GNAL: variants seen among roughly 807,000 people sequenced by gnomAD.
GNAL encodes the protein G protein subunit alpha L, also known as guanine nucleotide-binding protein G(olf) subunit alpha.
Under a neutral mutation model 55.1 loss-of-function variants are expected in GNAL, and 18 were observed. The ratio of observed to expected loss-of-function variants is 0.33; its 90% CI spans 0.23 to 0.48. The LOEUF is 0.48. GNAL is among the 20% of genes least tolerant of loss of function. The probability of loss-of-function intolerance (pLI) is 0.99; values close to 1 mark genes in which losing one functional copy is unlikely to be tolerated. For missense variants in GNAL, 412 were observed against 614.1 expected (o/e 0.67, Z 3.48); for synonymous variants, 253 against 237.0 (o/e 1.07, Z -0.62).
At chr18:11,846,732 G>T (rs1177039357) in intron 5 of GNAL, among the ~76,000 whole-genome samples, 1 of 151,736 alleles carries the variant, frequency 6.6e-6, no homozygotes, top group East Asian at 1.9e-4. Context: ...TTGTTTTGTT[G>T]TTGTTGTTTT....
chr18:11,693,194 AG>A (rs1284096532), intron 1 of GNAL, among the ~76,000 whole-genome samples: 1 of 152,210 alleles, frequency 6.6e-6, no homozygotes, highest in Non-Finnish European at 1.5e-5. Context: ...ATATAATAAA[AG>A]TTATTAGACT....
intron 7 of GNAL, among the ~76,000 whole-genome samples, chr18:11,866,783 G>A (rs73945264): frequency 0.012 from 1,763 of 150,302 alleles, 231 homozygotes; most frequent in African/African-American, 0.043. Context: ...TCACAGGAAG[G>A]ATCTGCCCTG....
chr18:11,740,739 C>T (rs947854772), intron 1 of GNAL, among the ~76,000 whole-genome samples: 3 of 152,176 alleles, frequency 2.0e-5, no homozygotes, highest in East Asian at 1.9e-4. Context: ...GTTTCGGATT[C>T]GTGTGCAATG....
intron 5 of GNAL, chr18:11,857,265 A>G (rs2036029440): frequency 6.5e-6 from 1 of 152,984 alleles, no homozygotes; most frequent in South Asian, 2.1e-4. Context: ...GTGAAACAGT[A>G]AGTGCCGGAG....
In GNAL at chr18:11,846,219, G is replaced by A. The variant is rs533416201; in HGVS notation, c.723-16176G>A. Among the ~76,000 whole-genome samples the A allele has an allele frequency of 3.3e-5, 5 of 151,934 alleles. 1 individual carries two copies. The highest frequency in any genetic ancestry group is 2.1e-4 in the South Asian group (1 of 4,830). On this transcript the variant is annotated intron_variant, in intron 5 of 11. Transcript: ENST00000334049. ...GGAGAATCACTGTGTTGCTAAATGA[G>A]TGAATGCCAACTTCGACTAACATGG...
At chr18:11,876,734 CT>C (rs1567906527) in intron 11 of GNAL, 46 bp downstream of exon 11, 1 of 1,022,752 alleles carries the variant, frequency 9.8e-7, no homozygotes, top group Non-Finnish European at 1.6e-6. Context: ...CCTTCTTAAT[CT>C]TTTGTTTCTT....
At chr18:11,778,536 T>G (rs750764206) in intron 4 of GNAL, among the ~76,000 whole-genome samples, 3 of 152,136 alleles carry the variant, frequency 2.0e-5, no homozygotes, top group Non-Finnish European at 4.4e-5. Context: ...CAGGTATTAG[T>G]GACGAAACCT....
chr18:11,867,301 G>C, intron 8 of GNAL, 75 bp downstream of exon 8: 2 of 873,510 alleles, frequency 2.3e-6, no homozygotes, highest in Non-Finnish European at 3.9e-6. Context: ...AACTATTCTT[G>C]AATTAGATAA....
chr18:11,815,199 C>T (rs1483208331), intron 4 of GNAL, among the ~76,000 whole-genome samples: 1 of 152,060 alleles, frequency 6.6e-6, no homozygotes, highest in Non-Finnish European at 1.5e-5. Context: ...GATCATTATA[C>T]TATGTATATA....
intron 4 of GNAL, among the ~76,000 whole-genome samples, chr18:11,805,772 C>T (rs534293831): frequency 1.3e-5 from 2 of 152,220 alleles, no homozygotes; most frequent in African/African-American, 4.8e-5. Context: ...TGGTTGATTC[C>T]ATATCTTTGC....
At chr18:11,786,780 TA>T (rs2034075268) in intron 4 of GNAL, among the ~76,000 whole-genome samples, 1 of 151,988 alleles carries the variant, frequency 6.6e-6, no homozygotes, top group African/African-American at 2.4e-5. Context: ...TGAATCTTTT[TA>T]TATTTTATAA....
intron 4 of GNAL, among the ~76,000 whole-genome samples, chr18:11,773,255 A>T (rs1277317250): frequency 2.0e-5 from 3 of 152,250 alleles, no homozygotes; most frequent in African/African-American, 7.2e-5. Context: ...AGCACATAAC[A>T]TGCTCACTTA....
intron 5 of GNAL, among the ~76,000 whole-genome samples, chr18:11,859,406 T>C (rs187742983): frequency 6.6e-6 from 1 of 152,312 alleles, no homozygotes; most frequent in Non-Finnish European, 1.5e-5. Context: ...ACTCAGTGTG[T>C]CCTTCCACCA....
intron 4 of GNAL, among the ~76,000 whole-genome samples, chr18:11,774,292 C>T (rs577875828): frequency 1.3e-5 from 2 of 152,326 alleles, no homozygotes; most frequent in East Asian, 3.9e-4. Context: ...CTTTCTCTGC[C>T]TTCTGTCAGT....
chr18:11,839,082 A>C (rs191225584), intron 5 of GNAL, among the ~76,000 whole-genome samples: 201 of 152,346 alleles, frequency 1.3e-3, no homozygotes, highest in African/African-American at 4.8e-3. Context: ...TAAACTGTTC[A>C]TTATGATGGG....
chr18:11,826,568 A>G (rs769701761), intron 5 of GNAL, among the ~76,000 whole-genome samples: 1 of 152,176 alleles, frequency 6.6e-6, no homozygotes, highest in Non-Finnish European at 1.5e-5. Flanking sequence ...AGTAGATTGC[A>G]GAAGGCAGAG....
chr18:11,775,328 T>C (rs992349826), intron 4 of GNAL, among the ~76,000 whole-genome samples: 3 of 152,226 alleles, frequency 2.0e-5, no homozygotes, highest in African/African-American at 7.2e-5. Flanking sequence ...GGAGGAAATA[T>C]TTTTCAACCA....
intron 5 of GNAL, among the ~76,000 whole-genome samples, chr18:11,838,192 G>A (rs944544284): frequency 2.0e-5 from 3 of 152,112 alleles, no homozygotes; most frequent in South Asian, 2.1e-4. Flanking sequence ...AAAATGTGAC[G>A]CATCCACACG....
intron 5 of GNAL, among the ~76,000 whole-genome samples, chr18:11,860,672 G>T (rs1177187515): frequency 6.6e-6 from 1 of 152,202 alleles, no homozygotes; most frequent in East Asian, 1.9e-4. Context: ...CAGGAGAAAG[G>T]TTCAAGTTTC....
Sources: allele counts gnomAD v4.1 joint callset (sites outside exome capture counted in the v4.1 genomes callset), GRCh38; gene constraint gnomAD v4.1.1; transcripts MANE v1.5; gene names NCBI Gene and HGNC (gene_info 2026-07-23, HGNC 2026-07-21).